NKAIN3: variants seen among roughly 807,000 people sequenced by gnomAD.
NKAIN3 encodes sodium/potassium transporting ATPase interacting 3.
NKAIN3 carries 25 observed loss-of-function variants against 30.2 expected under a neutral mutation model. The observed-to-expected ratio is 0.83, with a 90% confidence interval of 0.60 to 1.16. The LOEUF is 1.16. Among genes scored for constraint, NKAIN3 ranks in the 50% most tolerant of loss-of-function variants. The probability of loss-of-function intolerance (pLI) is 0.00; values close to 1 mark genes in which losing one functional copy is unlikely to be tolerated. For missense variants in NKAIN3, 225 were observed against 254.1 expected, an observed-to-expected ratio of 0.89 and a Z score of 0.78; for synonymous variants, 91 against 89.6, an observed-to-expected ratio of 1.02 and a Z score of -0.09.
At chr8:62,899,691 C>T (rs528437598) in intron 4 of NKAIN3, among the ~76,000 whole-genome samples, 4 of 152,122 alleles carry the variant, frequency 2.6e-5, no homozygotes, top group Non-Finnish European at 2.9e-5. Context: ...AACAGGGTGA[C>T]TATAGTCTAT....
chr8:62,767,259 T>G (rs181965133), intron 4 of NKAIN3, among the ~76,000 whole-genome samples: 23 of 152,282 alleles, frequency 1.5e-4, no homozygotes, highest in African/African-American at 5.3e-4. Flanking sequence ...AATAGTTGGC[T>G]TAGGAATAGT....
At chr8:62,827,153 A>G (rs987005288) in intron 4 of NKAIN3, among the ~76,000 whole-genome samples, 2 of 152,240 alleles carry the variant, frequency 1.3e-5, no homozygotes, top group African/African-American at 2.4e-5. Flanking sequence ...GGTTTCTGAC[A>G]AAGTAAATTG....
intron 1 of NKAIN3, among the ~76,000 whole-genome samples, chr8:62,465,914 T>G (rs1430519400): frequency 6.6e-6 from 1 of 151,934 alleles, no homozygotes; most frequent in Admixed American, 6.6e-5. Flanking sequence ...TCCCAGCTAC[T>G]TGGGAGGCTA....
Position 62,394,479 on chromosome 8 carries a change from ATT to A in NKAIN3, c.54+145363_54+145364del, listed in dbSNP as rs58656350. ...TATTTTTTTCTTGACTGTAATTGCT[ATT>A]TTTTTTTTTTAATTTAAAAGTAAAC... On this transcript the variant is annotated intron_variant, in intron 1 of 6. Transcript: ENST00000623646. 7.2e-3 allele frequency among the ~76,000 whole-genome samples: 1,076 copies of A among 149,696 alleles called. 3 individuals carry two copies. Among genetic ancestry groups the A allele is most frequent in the Non-Finnish European group, 0.012 (808 of 67,444 alleles).
chr8:62,478,452 T>C (rs7835100), intron 1 of NKAIN3, among the ~76,000 whole-genome samples: 58,923 of 151,972 alleles, frequency 0.39, 11,775 homozygotes, highest in South Asian at 0.45. Context: ...CCATAAAATA[T>C]ATAATTCACA....
chr8:62,665,412 C>A (rs1216837740), intron 3 of NKAIN3, among the ~76,000 whole-genome samples: 3 of 152,038 alleles, frequency 2.0e-5, no homozygotes, highest in Non-Finnish European at 4.4e-5. Flanking sequence ...ACTGTACATG[C>A]CCCTTCCAAG....
chr8:62,631,860 G>A (rs1011748268), intron 3 of NKAIN3, among the ~76,000 whole-genome samples: 4 of 152,166 alleles, frequency 2.6e-5, no homozygotes, highest in Non-Finnish European at 4.4e-5. Flanking sequence ...TGCCTCGTTT[G>A]AAAGTCTCTT....
Position 62,882,716 on chromosome 8 carries a change from T to C in NKAIN3, c.472-35737T>C, listed in dbSNP as rs150219163. Among the ~76,000 whole-genome samples, 998 of 152,290 alleles carry C rather than the reference T, an allele frequency of 6.6e-3. 11 individuals carry two copies. The highest frequency in any genetic ancestry group is 0.023 in the African/African-American group (953 of 41,558). Reference sequence around the variant, plus strand: ...TATAGTTTTGTGTTTTACATTTAAGTCTATAATGCATTTTGAATTAATTTT... The same window carrying C: ...TATAGTTTTGTGTTTTACATTTAAGCCTATAATGCATTTTGAATTAATTTT... On this transcript the variant is annotated intron_variant, in intron 4 of 6. Transcript: ENST00000623646.
chr8:62,746,541 C>T (rs1032067497), intron 3 of NKAIN3, among the ~76,000 whole-genome samples: 3 of 152,182 alleles, frequency 2.0e-5, no homozygotes, highest in Admixed American at 2.0e-4. Context: ...ACAACATCTA[C>T]CATGCCATAA....
At chr8:62,770,779 C>G (rs1447116691) in intron 4 of NKAIN3, among the ~76,000 whole-genome samples, 1 of 150,214 alleles carries the variant, frequency 6.7e-6, no homozygotes, top group East Asian at 2.0e-4. Context: ...AAAATAAAAG[C>G]AGAATTAAAA....
At chr8:62,918,223 T>G (rs1301906428) in intron 4 of NKAIN3, among the ~76,000 whole-genome samples, 1 of 152,206 alleles carries the variant, frequency 6.6e-6, no homozygotes, top group Non-Finnish European at 1.5e-5. Context: ...AAGTGAAATA[T>G]CTAGAAACTG....
intron 4 of NKAIN3, among the ~76,000 whole-genome samples, chr8:62,790,854 C>T (rs1817684565): frequency 1.3e-5 from 2 of 151,962 alleles, no homozygotes; most frequent in African/African-American, 4.8e-5. Context: ...TTCGGCTTAG[C>T]CCTGGTCAGT....
intron 3 of NKAIN3, among the ~76,000 whole-genome samples, chr8:62,711,336 C>T (rs573264982): frequency 5.3e-5 from 8 of 152,188 alleles, no homozygotes; most frequent in African/African-American, 1.7e-4. Context: ...ATGTTTTCCA[C>T]GGTTTTAGAA....
intron 4 of NKAIN3, among the ~76,000 whole-genome samples, chr8:62,849,295 CTT>C (rs71255367): frequency 0.73 from 77,111 of 105,668 alleles, 27,522 homozygotes; most frequent in Non-Finnish European, 0.81. Flanking sequence ...TGGTCCTGGG[CTT>C]TTTTTTTTTT....
At chr8:62,638,175 G>T (rs1375594369) in intron 3 of NKAIN3, among the ~76,000 whole-genome samples, 1 of 152,136 alleles carries the variant, frequency 6.6e-6, no homozygotes, top group Non-Finnish European at 1.5e-5. Context: ...TGCTAATAAG[G>T]TTTGCAAGCT....
chr8:62,321,486 G>T (rs1174488884), intron 1 of NKAIN3, among the ~76,000 whole-genome samples: 1 of 152,114 alleles, frequency 6.6e-6, no homozygotes, highest in Admixed American at 6.6e-5. Context: ...TTTGATGATG[G>T]TGACGTACAG....
chr8:62,803,526 A>G (rs1818153052), intron 4 of NKAIN3, among the ~76,000 whole-genome samples: 1 of 152,210 alleles, frequency 6.6e-6, no homozygotes, highest in South Asian at 2.1e-4. Context: ...TGGGTACATA[A>G]AGAAATGAAG....
chr8:62,318,499 A>G (rs1173663863), intron 1 of NKAIN3, among the ~76,000 whole-genome samples: 1 of 152,182 alleles, frequency 6.6e-6, no homozygotes, highest in Admixed American at 6.5e-5. Flanking sequence ...GAGAGTTTTT[A>G]GCAATGAAGG....
At chr8:62,274,353 T>C (rs866993597) in intron 1 of NKAIN3, among the ~76,000 whole-genome samples, 4 of 152,114 alleles carry the variant, frequency 2.6e-5, no homozygotes, top group Non-Finnish European at 4.4e-5. Flanking sequence ...CTAATCTCCA[T>C]TGAAGTTGGG....
Sources: gnomAD v4.1 joint callset for allele counts (sites outside exome capture counted in the v4.1 genomes callset) on GRCh38, gnomAD v4.1.1 for gene constraint, MANE v1.5 for transcripts, NCBI Gene and HGNC (gene_info 2026-07-23, HGNC 2026-07-21) for gene names.